Variants in PTPRD observed in about 807,000 individuals in gnomAD.
PTPRD encodes the protein protein tyrosine phosphatase receptor type D, also known as receptor-type tyrosine-protein phosphatase delta.
In PTPRD, 34 loss-of-function variants were observed where a neutral mutation model predicts 214.5. The observed-to-expected ratio is 0.16, with a 90% confidence interval of 0.12 to 0.21. PTPRD has a LOEUF of 0.21. Among genes scored for constraint, PTPRD ranks in the 10% least tolerant of loss-of-function variants. PTPRD has a pLI of 1.00. For synonymous variants in PTPRD, 1,128 were observed against 845.7 expected (o/e 1.33, Z -5.79); for missense variants, 2,545 against 2,398.7 (o/e 1.06, Z -1.27).
At chr9:8,497,688 A>G (rs1164338284) in intron 25 of PTPRD, among the ~76,000 whole-genome samples, 1 of 152,228 alleles carries the variant, frequency 6.6e-6, no homozygotes, top group Non-Finnish European at 1.5e-5. Context: ...ATGAAATTTC[A>G]GTGAAGAGTC....
At chr9:8,699,304 TC>T (rs1452735659) in intron 12 of PTPRD, among the ~76,000 whole-genome samples, 1 of 152,024 alleles carries the variant, frequency 6.6e-6, no homozygotes, top group African/African-American at 2.4e-5. Flanking sequence ...TTTCAACATA[TC>T]CCCACAGAAA....
intron 3 of PTPRD, among the ~76,000 whole-genome samples, chr9:10,136,005 G>A (rs999504108): frequency 6.6e-6 from 1 of 150,392 alleles, no homozygotes; most frequent in African/African-American, 2.4e-5. Context: ...CATATGTAAT[G>A]ACACCCACAG....
chr9:8,858,796 A>AACACACACACACACACAC lies in PTPRD; in HGVS notation c.-103-124868_-103-124851dup, dbSNP rs71317379. 1.8e-4 allele frequency among the ~76,000 whole-genome samples: 26 copies of AACACACACACACACACAC among 141,870 alleles called. No homozygotes were observed. The South Asian group carries it at 2.9e-3, about 16-fold the overall frequency. The allele number at this position is 141,870 out of a possible 152,430, so 93.1% of individuals were successfully genotyped here. A position where few individuals can be genotyped will look rare whatever the true frequency, so the allele number is the denominator to read the frequency against. On this transcript the variant is annotated intron_variant, in intron 11 of 45. Coordinates refer to ENST00000381196, the MANE Select transcript of PTPRD (RefSeq NM_002839.4). Reference sequence around the variant, plus strand: ...GGCAGGAGAGGTGGGTGAAGGAGGCAACACACACACACACACACACACACA... The same window carrying AACACACACACACACACAC: ...GGCAGGAGAGGTGGGTGAAGGAGGCAACACACACACACACACACACACACACACACACACACACACACA...
chr9:9,172,445 T>C (rs1278462385), intron 10 of PTPRD, among the ~76,000 whole-genome samples: 1 of 152,140 alleles, frequency 6.6e-6, no homozygotes, highest in Non-Finnish European at 1.5e-5. Flanking sequence ...TGATTAACCC[T>C]TTACTCACTT....
chr9:8,484,083 T>C (rs1288484708), intron 30 of PTPRD, 36 bp downstream of exon 30: 3 of 1,592,606 alleles, frequency 1.9e-6, no homozygotes, highest in African/African-American at 2.7e-5. Flanking sequence ...TTACCTATAA[T>C]TCTTTCCTTC....
Position 8,317,783 on chromosome 9 carries a change from G to C in PTPRD, c.*91C>G. 1 of 1,128,974 alleles carries C rather than the reference G, an allele frequency of 8.9e-7. No homozygotes were observed. Among genetic ancestry groups the C allele is most frequent in the Non-Finnish European group, 1.3e-6 (1 of 757,536 alleles). 69.9% of individuals were successfully genotyped at this position (1,128,974 alleles called of 1,614,324 possible). On this transcript the variant is annotated 3_prime_UTR_variant, in exon 46 of 46. Coordinates refer to ENST00000381196, the MANE Select transcript of PTPRD (RefSeq NM_002839.4). The stretch of plus-strand genomic sequence containing the variant: ...TAAGTAGTTGTTAGCTAGAAGTTAA[G>C]AAGGACTTCTCAAGTGCCCTGTATG...
intron 5 of PTPRD, among the ~76,000 whole-genome samples, chr9:9,849,817 A>C (rs372007226): frequency 2.6e-5 from 4 of 152,128 alleles, no homozygotes; most frequent in Non-Finnish European, 5.9e-5. Flanking sequence ...AAAATCTTCA[A>C]ATGCTTTTCC....
At chr9:9,165,855 A>G (rs1244859785) in intron 10 of PTPRD, among the ~76,000 whole-genome samples, 2 of 152,224 alleles carry the variant, frequency 1.3e-5, no homozygotes, top group Non-Finnish European at 2.9e-5. Flanking sequence ...AGACATAGAT[A>G]TAGCAACATA....
chr9:9,588,327 C>T (rs1195006014), intron 7 of PTPRD, among the ~76,000 whole-genome samples: 1 of 151,866 alleles, frequency 6.6e-6, no homozygotes, highest in African/African-American at 2.4e-5. Flanking sequence ...GCAATGTTTG[C>T]TTCTACTGAG....
intron 3 of PTPRD, among the ~76,000 whole-genome samples, chr9:10,196,690 G>T (rs933699295): frequency 6.6e-6 from 1 of 152,092 alleles, no homozygotes; most frequent in Non-Finnish European, 1.5e-5. Flanking sequence ...ATCATGGTAG[G>T]CATAGTTACC....
At chr9:9,430,303 T>A (rs977149727) in intron 8 of PTPRD, among the ~76,000 whole-genome samples, 7 of 151,970 alleles carry the variant, frequency 4.6e-5, no homozygotes, top group African/African-American at 1.7e-4. Context: ...CCATTCACAA[T>A]TGCTTCAAAG....
At chr9:10,067,438 G>C (rs1005012095) in intron 3 of PTPRD, among the ~76,000 whole-genome samples, 1 of 151,784 alleles carries the variant, frequency 6.6e-6, no homozygotes, top group Non-Finnish European at 1.5e-5. Flanking sequence ...ATCTTTCACA[G>C]AGCACTAACA....
chr9:9,425,949 G>A (rs1253318965), intron 8 of PTPRD, among the ~76,000 whole-genome samples: 2 of 152,116 alleles, frequency 1.3e-5, no homozygotes, highest in Non-Finnish European at 2.9e-5. Context: ...GGCCGAATAG[G>A]AACAGCTCCA....
rs983618053 is a variant in PTPRD, at chr9:8,635,067, A to G, written c.211-1609T>C. 1.1e-4 allele frequency among the ~76,000 whole-genome samples: 16 copies of G among 147,660 alleles called. No homozygotes were observed. The East Asian group carries it at 2.9e-3, about 27-fold the overall frequency. On this transcript the variant is annotated intron_variant, in intron 13 of 45. Coordinates refer to ENST00000381196, the MANE Select transcript of PTPRD (RefSeq NM_002839.4). Reference sequence around the variant, plus strand: ...TTTAATAATATATATTTAATAATATATATTAAATATATATTATATATATAT... The same window carrying G: ...TTTAATAATATATATTTAATAATATGTATTAAATATATATTATATATATAT...
At chr9:8,770,800 CA>C (rs59847760) in intron 11 of PTPRD, among the ~76,000 whole-genome samples, 7,024 of 152,146 alleles carry the variant, frequency 0.046, 410 homozygotes, top group African/African-American at 0.13. Flanking sequence ...AATTGAAAGG[CA>C]AAACACAATA....
chr9:9,895,004 G>C (rs563708257), intron 5 of PTPRD, among the ~76,000 whole-genome samples: 1 of 152,074 alleles, frequency 6.6e-6, no homozygotes, highest in African/African-American at 2.4e-5. Flanking sequence ...AAAAAGCAAA[G>C]TACAGTCTCC....
At chr9:8,696,639 C>T (rs2097916368) in intron 12 of PTPRD, among the ~76,000 whole-genome samples, 1 of 152,176 alleles carries the variant, frequency 6.6e-6, no homozygotes, top group East Asian at 1.9e-4. Flanking sequence ...ACAGGGAAGA[C>T]AATGGATGAA....
At chr9:9,076,189 G>C (rs753940437) in intron 10 of PTPRD, among the ~76,000 whole-genome samples, 1 of 152,014 alleles carries the variant, frequency 6.6e-6, no homozygotes, top group African/African-American at 2.4e-5. Context: ...TCATGTGTCT[G>C]TTGGCTGCAT....
chr9:9,829,859 T>A (rs1159842450), intron 5 of PTPRD, among the ~76,000 whole-genome samples: 1 of 151,850 alleles, frequency 6.6e-6, no homozygotes, highest in Non-Finnish European at 1.5e-5. Context: ...CATCAAGCAT[T>A]TGCTACTATT....
Sources: allele counts gnomAD v4.1 joint callset (sites outside exome capture counted in the v4.1 genomes callset), GRCh38; gene constraint gnomAD v4.1.1; transcripts MANE v1.5; gene names NCBI Gene and HGNC (gene_info 2026-07-23, HGNC 2026-07-21).